Variants in MRPL42 observed in about 807,000 individuals in gnomAD.
MRPL42 encodes the protein mitochondrial ribosomal protein L42.
A neutral mutation model predicts 17.9 loss-of-function variants in MRPL42; 17 were observed. The observed-to-expected ratio is 0.95, with a 90% CI of 0.65 to 1.42. MRPL42 has a LOEUF of 1.42. Ranked by LOEUF, MRPL42 falls within the 40% of genes most tolerant of loss-of-function variation. The pLI is 0.00. For synonymous variants in MRPL42, 59 were observed against 54.4 expected (o/e 1.08, Z -0.37); for missense variants, 177 against 175.2 (o/e 1.01, Z -0.06).
At chr12:93,478,942 A>ATTTATTTATTTATTTATTTT (rs1282970400) in intron 3 of MRPL42, among the ~76,000 whole-genome samples, 6 of 76,564 alleles carry the variant, frequency 7.8e-5, no homozygotes, top group African/African-American at 2.1e-4. Context: ...TTATTTATTT[A>ATTTATTTATTTATTTATTTT]TTTTTTTGAG....
chr12:93,476,192 T>A (rs920530517), intron 2 of MRPL42, among the ~76,000 whole-genome samples: 7 of 152,150 alleles, frequency 4.6e-5, no homozygotes, highest in Non-Finnish European at 8.8e-5. Flanking sequence ...ATACTTTATT[T>A]TTATTTATTT....
At chr12:93,479,742 C>T (rs970432857) in intron 4 of MRPL42, among the ~76,000 whole-genome samples, 11 of 151,982 alleles carry the variant, frequency 7.2e-5, no homozygotes, top group Admixed American at 7.2e-4. Flanking sequence ...GGTTAAGGAT[C>T]AAATACATCT....
In MRPL42 at chr12:93,503,176, C is replaced by T. The variant is rs904800990; in HGVS notation, c.*1955C>T. The T allele has an allele frequency of 1.3e-5, 2 of 152,148 alleles. No homozygotes were observed. Among genetic ancestry groups the T allele is most frequent in the South Asian group, 2.1e-4 (1 of 4,824 alleles). The allele number at this position is 152,148 out of a possible 1,614,324, so 9.4% of individuals were successfully genotyped here. A position where few individuals can be genotyped will look rare whatever the true frequency, so the allele number is the denominator to read the frequency against. Reference sequence around the variant, plus strand: ...TTAGCTTCATGAAAAACTCACTACACAGTTCTTGTTCAAGCATTATTGGGA... The same window carrying T: ...TTAGCTTCATGAAAAACTCACTACATAGTTCTTGTTCAAGCATTATTGGGA... On this transcript the variant is annotated 3_prime_UTR_variant, in exon 6 of 6. Transcript: ENST00000549982.
intron 4 of MRPL42, among the ~76,000 whole-genome samples, chr12:93,487,160 G>A (rs1880782707): frequency 6.6e-6 from 1 of 151,954 alleles, no homozygotes; most frequent in African/African-American, 2.4e-5. Flanking sequence ...TGACCATGTT[G>A]TCCAAGCTGG....
At position 93,507,081 on chromosome 12, in the gene MRPL42, A is replaced by G. The variant is rs772138726; in HGVS notation, c.*5860A>G. The G allele has an allele frequency of 2.0e-4, 31 of 152,240 alleles. No individual in the cohort carries two copies. The highest frequency in any genetic ancestry group is 4.0e-4 in the Non-Finnish European group (27 of 68,046). The allele number at this position is 152,240 out of a possible 1,614,324, so 9.4% of individuals were successfully genotyped here. A position where few individuals can be genotyped will look rare whatever the true frequency, so the allele number is the denominator to read the frequency against. On this transcript the variant is annotated 3_prime_UTR_variant, in exon 6 of 6. Coordinates refer to ENST00000549982, the MANE Select transcript of MRPL42 (RefSeq NM_014050.4). ...TATATGTATATTTATGCATATACAT[A>G]CTGATGAAATGTGCCTTTAGCAATA...
chr12:93,510,942 A>G lies in MRPL42; in HGVS notation c.*9721A>G, dbSNP rs1258803356. The stretch of plus-strand genomic sequence containing the variant: ...TGCAATCGATGTGAAGGTTTGGGGT[A>G]ATTTGTTTCATTTATCTTTAACACC... On this transcript the variant is annotated 3_prime_UTR_variant, in exon 6 of 6. Coordinates refer to ENST00000549982, the MANE Select transcript of MRPL42 (RefSeq NM_014050.4). The G allele has an allele frequency of 6.6e-6, 1 of 152,192 alleles. No individual in the cohort carries two copies. Among genetic ancestry groups the G allele is most frequent in the Non-Finnish European group, 1.5e-5 (1 of 68,034 alleles). The allele number at this position is 152,192 out of a possible 1,614,324, so 9.4% of individuals were successfully genotyped here.
In MRPL42 at chr12:93,476,812, G is replaced by GTTGTTGAA. The variant is rs1274974839; in HGVS notation, c.71-140_71-133dup. The GTTGTTGAA allele has an allele frequency of 1.1e-5, 8 of 709,244 alleles. 1 individual carries two copies. The highest frequency in any genetic ancestry group is 1.5e-5 in the Non-Finnish European group (6 of 409,802). The allele number at this position is 709,244 out of a possible 1,614,324, so 43.9% of individuals were successfully genotyped here. A position where few individuals can be genotyped will look rare whatever the true frequency, so the allele number is the denominator to read the frequency against. ...TGAGGGTAGGGACTGAGTCTTGTTTGTTGTTGAATCCCTAGCCCCTAGCAC... is the reference window on the plus strand; with the variant it reads ...TGAGGGTAGGGACTGAGTCTTGTTTGTTGTTGAATTGTTGAATCCCTAGCCCCTAGCAC... On this transcript the variant is annotated intron_variant, in intron 2 of 5. Transcript: ENST00000549982.
intron 5 of MRPL42, among the ~76,000 whole-genome samples, chr12:93,495,140 C>T (rs887050290): frequency 6.6e-6 from 1 of 152,288 alleles, no homozygotes; most frequent in South Asian, 2.1e-4. Context: ...TTTTCCTTTT[C>T]ACCCAATAAA....
Position 93,506,869 on chromosome 12 carries a change from T to C in MRPL42, c.*5648T>C, listed in dbSNP as rs1185248522. ...ATTTGGATTGATCCCATTGGACTTT[T>C]CAATTGCTGCATCCAGGTGTAATTA... On this transcript the variant is annotated 3_prime_UTR_variant, in exon 6 of 6. Coordinates refer to ENST00000549982, the MANE Select transcript of MRPL42 (RefSeq NM_014050.4). 6.6e-6 allele frequency: 1 copy of C among 152,192 alleles called. No homozygotes were observed. The highest frequency in any genetic ancestry group is 1.5e-5 in the Non-Finnish European group (1 of 68,040). The allele number at this position is 152,192 out of a possible 1,614,324, so 9.4% of individuals were successfully genotyped here. A position where few individuals can be genotyped will look rare whatever the true frequency, so the allele number is the denominator to read the frequency against.
In MRPL42 at chr12:93,479,448, G is replaced by T. The variant is rs199806970; in HGVS notation, c.195G>T (p.Val65=). 1 of 1,609,810 alleles carries T rather than the reference G, an allele frequency of 6.2e-7. No homozygotes were observed. ...GRTIVCYHPS[V]DIPYEHTKPI... ...CAATAGTATGCTACCACCCTTCTGT[G>T]GACATTCCATATGAACACACAAAAG... Residue 65 remains valine, a synonymous_variant, in exon 4 of 6, where the codon GTG becomes GTT. Transcript: ENST00000549982.
chr12:93,496,564 A>G (rs954102429), intron 5 of MRPL42, among the ~76,000 whole-genome samples: 32 of 151,478 alleles, frequency 2.1e-4, no homozygotes, highest in African/African-American at 7.5e-4. Flanking sequence ...AGGAAGAGTA[A>G]AAGTGCTGAA....
chr12:93,491,251 G>C (rs1300326747), intron 5 of MRPL42, among the ~76,000 whole-genome samples: 3 of 152,316 alleles, frequency 2.0e-5, no homozygotes, highest in East Asian at 3.9e-4. Context: ...ATATAAAATA[G>C]AAGTGTTCTC....
chr12:93,497,387 C>G (rs1953525219), intron 5 of MRPL42, among the ~76,000 whole-genome samples: 1 of 152,186 alleles, frequency 6.6e-6, no homozygotes, highest in Admixed American at 6.5e-5. Context: ...TCACCATGAT[C>G]AAGCAGGCTT....
At position 93,511,591 on chromosome 12, in the gene MRPL42, A is replaced by G. The variant is rs1953725935; in HGVS notation, c.*10370A>G. On this transcript the variant is annotated 3_prime_UTR_variant, in exon 6 of 6. Coordinates refer to ENST00000549982, the MANE Select transcript of MRPL42 (RefSeq NM_014050.4). ...ACCCATAGAACAAAGAAAGCTAATA[A>G]ATTACCTTTTCTTGCAATTGGTTTG... 6.6e-6 allele frequency: 1 copy of G among 152,218 alleles called. No individual in the cohort carries two copies. The highest frequency in any genetic ancestry group is 2.4e-5 in the African/African-American group (1 of 41,460). The allele number at this position is 152,218 out of a possible 1,614,324, so 9.4% of individuals were successfully genotyped here. A position where few individuals can be genotyped will look rare whatever the true frequency, so the allele number is the denominator to read the frequency against.
At chr12:93,495,203 G>T (rs781334746) in intron 5 of MRPL42, among the ~76,000 whole-genome samples, 2 of 152,140 alleles carry the variant, frequency 1.3e-5, no homozygotes, top group African/African-American at 4.8e-5. Flanking sequence ...TTTTGTGGTT[G>T]TGTGTCTTTA....
At chr12:93,481,598 ATTCT>A (rs1484615184) in intron 4 of MRPL42, among the ~76,000 whole-genome samples, 14 of 152,212 alleles carry the variant, frequency 9.2e-5, no homozygotes, top group Non-Finnish European at 1.5e-4. Flanking sequence ...TTTTACCCTC[ATTCT>A]TTTACTTCAA....
chr12:93,511,088 A>T lies in MRPL42; in HGVS notation c.*9867A>T, dbSNP rs1953721494. The T allele has an allele frequency of 6.6e-6, 1 of 152,226 alleles. No homozygotes were observed. The highest frequency in any genetic ancestry group is 1.5e-5 in the Non-Finnish European group (1 of 68,032). 9.4% of individuals were successfully genotyped at this position (152,226 alleles called of 1,614,324 possible). A position where few individuals can be genotyped will look rare whatever the true frequency, so the allele number is the denominator to read the frequency against. Reference sequence around the variant, plus strand: ...AATAAAAGCGATTCTGAATAAATGAAAACCAATAGATTGTTCTAGTTTTAC... The same window carrying T: ...AATAAAAGCGATTCTGAATAAATGATAACCAATAGATTGTTCTAGTTTTAC... On this transcript the variant is annotated 3_prime_UTR_variant, in exon 6 of 6. Coordinates refer to ENST00000549982, the MANE Select transcript of MRPL42 (RefSeq NM_014050.4).
At chr12:93,474,916 T>C (rs1367413296) in intron 2 of MRPL42, among the ~76,000 whole-genome samples, 1 of 151,976 alleles carries the variant, frequency 6.6e-6, no homozygotes, top group African/African-American at 2.4e-5. Flanking sequence ...GCCAATATAG[T>C]GAAACCCTGT....
intron 2 of MRPL42, among the ~76,000 whole-genome samples, chr12:93,473,268 A>AT (rs1186000758): frequency 1.3e-5 from 2 of 150,620 alleles, no homozygotes; most frequent in African/African-American, 2.4e-5. Context: ...ATGTTTCCTT[A>AT]TTTTTTTTTC....
Sources: allele counts gnomAD v4.1 joint callset (sites outside exome capture counted in the v4.1 genomes callset), GRCh38; gene constraint gnomAD v4.1.1; transcripts MANE v1.5; gene names NCBI Gene and HGNC (gene_info 2026-07-23, HGNC 2026-07-21).